SLC6A11: variants seen among roughly 807,000 people sequenced by gnomAD.
SLC6A11 encodes the protein sodium- and chloride-dependent GABA transporter 3.
SLC6A11 carries 25 observed loss-of-function variants against 74.8 expected under a neutral mutation model. The observed-to-expected ratio is 0.33, with a 90% CI of 0.24 to 0.47. SLC6A11 has a LOEUF of 0.47. SLC6A11 is among the 20% of genes least tolerant of loss of function. The probability of loss-of-function intolerance (pLI) is 1.00; values close to 1 mark genes in which losing one functional copy is unlikely to be tolerated. For missense variants in SLC6A11, 574 were observed against 837.0 expected, an observed-to-expected ratio of 0.69 and a Z score of 3.88; for synonymous variants, 330 against 330.2, an observed-to-expected ratio of 1.00 and a Z score of 0.01.
intron 5 of SLC6A11, among the ~76,000 whole-genome samples, chr3:10,846,950 A>G (rs1444471654): frequency 6.6e-6 from 1 of 152,178 alleles, no homozygotes; most frequent in Non-Finnish European, 1.5e-5. Flanking sequence ...GTCCTTTCAC[A>G]CATCTTCCCT....
chr3:10,916,873 G>C lies in SLC6A11; in HGVS notation c.996-1456G>C, dbSNP rs1460488487. On this transcript the variant is annotated intron_variant, in intron 7 of 13. Coordinates refer to ENST00000254488, the MANE Select transcript of SLC6A11 (RefSeq NM_014229.3). Reference sequence around the variant, plus strand: ...GGGAGAATTGGAACCCAAGGCTCTCGACCACCAGTTCAATGCTCTCTCTAC... The same window carrying C: ...GGGAGAATTGGAACCCAAGGCTCTCCACCACCAGTTCAATGCTCTCTCTAC... 5.9e-5 allele frequency among the ~76,000 whole-genome samples: 9 copies of C among 152,318 alleles called. No homozygotes were observed. In the South Asian group the frequency reaches 1.5e-3, roughly 25 times the overall value.
chr3:10,840,965 G>T (rs533482946), intron 4 of SLC6A11, among the ~76,000 whole-genome samples: 1 of 152,290 alleles, frequency 6.6e-6, no homozygotes, highest in African/African-American at 2.4e-5. Flanking sequence ...TCAGAGAGGT[G>T]ATGCCGCTTC....
chr3:10,891,015 A>G (rs1443148580), intron 6 of SLC6A11, among the ~76,000 whole-genome samples: 1 of 152,172 alleles, frequency 6.6e-6, no homozygotes, highest in Non-Finnish European at 1.5e-5. Flanking sequence ...CTATGGGACA[A>G]TCCTTTCTAG....
At chr3:10,820,768 A>G (rs979760823) in intron 3 of SLC6A11, among the ~76,000 whole-genome samples, 2 of 152,188 alleles carry the variant, frequency 1.3e-5, no homozygotes, top group African/African-American at 4.8e-5. Flanking sequence ...TTCTCAGTCT[A>G]GTCTTGGCCT....
intron 4 of SLC6A11, among the ~76,000 whole-genome samples, chr3:10,833,081 G>A (rs1478027551): frequency 6.6e-6 from 1 of 151,980 alleles, no homozygotes; most frequent in Non-Finnish European, 1.5e-5. Flanking sequence ...TTCTTTTTGA[G>A]ACAGAGTTTC....
At chr3:10,846,820 C>A (rs1023867718) in intron 5 of SLC6A11, among the ~76,000 whole-genome samples, 1 of 152,088 alleles carries the variant, frequency 6.6e-6, no homozygotes, top group Non-Finnish European at 1.5e-5. Flanking sequence ...TAAGGGAGGG[C>A]GGGCAGCCTG....
intron 5 of SLC6A11, among the ~76,000 whole-genome samples, chr3:10,865,720 C>T (rs965043962): frequency 2.5e-4 from 38 of 152,198 alleles, no homozygotes; most frequent in African/African-American, 9.2e-4. Flanking sequence ...TTTGGTAAAG[C>T]TGTTCTAACT....
intron 6 of SLC6A11, among the ~76,000 whole-genome samples, chr3:10,881,600 A>G (rs921310217): frequency 6.6e-6 from 1 of 152,228 alleles, no homozygotes; most frequent in Non-Finnish European, 1.5e-5. Flanking sequence ...CCAGCCTGCC[A>G]TCGTGCTCCA....
intron 6 of SLC6A11, among the ~76,000 whole-genome samples, chr3:10,880,165 A>G (rs945797166): frequency 6.6e-6 from 1 of 152,160 alleles, no homozygotes; most frequent in African/African-American, 2.4e-5. Flanking sequence ...CAAAGTTAGG[A>G]AGAGTAGATT....
intron 5 of SLC6A11, among the ~76,000 whole-genome samples, chr3:10,865,798 C>T (rs2106597612): frequency 6.6e-6 from 1 of 152,342 alleles, no homozygotes; most frequent in East Asian, 1.9e-4. Flanking sequence ...TGGTTGACTA[C>T]AGGTGTAGAA....
intron 6 of SLC6A11, among the ~76,000 whole-genome samples, chr3:10,911,508 G>A (rs1695388433): frequency 6.6e-6 from 1 of 152,150 alleles, no homozygotes; most frequent in African/African-American, 2.4e-5. Flanking sequence ...AGGACATGGT[G>A]GGCCTCCCTC....
At chr3:10,838,135 C>T (rs902012798) in intron 4 of SLC6A11, among the ~76,000 whole-genome samples, 5 of 152,216 alleles carry the variant, frequency 3.3e-5, no homozygotes, top group Admixed American at 6.5e-5. Flanking sequence ...GATGAGGCCA[C>T]CCCAGGCTGG....
chr3:10,829,320 A>C (rs557556221), intron 4 of SLC6A11, among the ~76,000 whole-genome samples: 161 of 152,348 alleles, frequency 1.1e-3, no homozygotes, highest in African/African-American at 3.8e-3. Flanking sequence ...TACTGGAGGC[A>C]CAGGGTCCCT....
At position 10,875,244 on chromosome 3, in the gene SLC6A11, A is replaced by T. The variant is rs1012806820; in HGVS notation, c.891+149A>T. On this transcript the variant is annotated intron_variant, in intron 6 of 13. Transcript: ENST00000254488. ...TCCCAGAATAATTTTAAATGCATAAATTTAATACGTAGGAAATCAAATATT... is the reference window on the plus strand; with the variant it reads ...TCCCAGAATAATTTTAAATGCATAATTTTAATACGTAGGAAATCAAATATT... The T allele has an allele frequency of 2.8e-5, 18 of 648,986 alleles. No individual in the cohort carries two copies. The African/African-American group carries it at 3.4e-4, about 12-fold the overall frequency. The allele number at this position is 648,986 out of a possible 1,614,324, so 40.2% of individuals were successfully genotyped here. A position where few individuals can be genotyped will look rare whatever the true frequency, so the allele number is the denominator to read the frequency against.
intron 6 of SLC6A11, among the ~76,000 whole-genome samples, chr3:10,896,666 T>A (rs1695174962): frequency 6.6e-6 from 1 of 152,184 alleles, no homozygotes; most frequent in Non-Finnish European, 1.5e-5. Flanking sequence ...ATGGATGATA[T>A]CAGGGGCTTG....
chr3:10,820,423 T>C (rs1322468278), intron 3 of SLC6A11, among the ~76,000 whole-genome samples: 1 of 152,204 alleles, frequency 6.6e-6, no homozygotes, highest in Non-Finnish European at 1.5e-5. Flanking sequence ...CAGACCCACC[T>C]TCCTGCTTGA....
At chr3:10,868,561 G>A (rs1303382048) in intron 5 of SLC6A11, among the ~76,000 whole-genome samples, 5 of 152,214 alleles carry the variant, frequency 3.3e-5, no homozygotes, top group Non-Finnish European at 7.3e-5. Context: ...TCTTAACCAA[G>A]GGGTGTGTTT....
At position 10,816,593 on chromosome 3, in the gene SLC6A11, C is replaced by A. The variant is rs1432800126; in HGVS notation, c.256+72C>A. The A allele has an allele frequency of 3.6e-6, 5 of 1,403,858 alleles. No individual in the cohort carries two copies. The highest frequency in any genetic ancestry group is 2.5e-5 in the Admixed American group (1 of 40,268). 87.0% of individuals were successfully genotyped at this position (1,403,858 alleles called of 1,614,324 possible). A position where few individuals can be genotyped will look rare whatever the true frequency, so the allele number is the denominator to read the frequency against. On this transcript the variant is annotated intron_variant, in intron 1 of 13. Coordinates refer to ENST00000254488, the MANE Select transcript of SLC6A11 (RefSeq NM_014229.3). The surrounding 1 kb of genome is among the most constrained non-coding windows in gnomAD (Gnocchi z 4.2). Reference sequence around the variant, plus strand: ...GGGGGCGGGGAGCCAGGGGCGAGCGCGAGACCCCCTCCCGCGCCTGCGTGG... The same window carrying A: ...GGGGGCGGGGAGCCAGGGGCGAGCGAGAGACCCCCTCCCGCGCCTGCGTGG...
intron 5 of SLC6A11, among the ~76,000 whole-genome samples, chr3:10,866,635 T>C (rs1185383279): frequency 6.6e-6 from 1 of 152,196 alleles, no homozygotes; most frequent in Non-Finnish European, 1.5e-5. Flanking sequence ...TGTACAAAAA[T>C]TATAACTTTA....
Sources: gnomAD v4.1 joint callset for allele counts (sites outside exome capture counted in the v4.1 genomes callset) on GRCh38, gnomAD v4.1.1 for gene constraint, Gnocchi (gnomAD v3.1) non-coding constraint, MANE v1.5 for transcripts, NCBI Gene and HGNC (gene_info 2026-07-23, HGNC 2026-07-21) for gene names.